Variants in USP34 observed in about 807,000 individuals in gnomAD.
USP34 encodes the protein ubiquitin carboxyl-terminal hydrolase 34.
Under a neutral mutation model 460.3 loss-of-function variants are expected in USP34, and 70 were observed. The observed-to-expected ratio is 0.15, with a 90% confidence interval of 0.13 to 0.19. The LOEUF (loss-of-function observed/expected upper bound fraction) is 0.19, where lower values mean the gene tolerates loss of function less well. Ranked by LOEUF, USP34 falls within the 10% of genes least tolerant of loss-of-function variation. The pLI is 1.00. For synonymous variants in USP34, 1,647 were observed against 1,405.3 expected (o/e 1.17, Z -3.85); for missense variants, 3,985 against 4,236.2 (o/e 0.94, Z 1.65).
chr2:61,228,876 G>C lies in USP34; in HGVS notation c.7319C>G (p.Thr2440Arg). Residue 2440 changes from threonine to arginine, a missense_variant, in exon 60 of 80, where the codon ACA becomes AGA. Physicochemically the swap from Thr to Arg is moderately conservative, Grantham distance 71 (BLOSUM62 -1). Around this residue, in one of 14 missense-constraint regions of USP34, gnomAD observed 604 missense variants for 684.8 expected, o/e 0.88. Coordinates refer to ENST00000398571, the MANE Select transcript of USP34 (RefSeq NM_014709.4). ...TTCGTAAAGGAAGGCAAAATACTCT[G>C]TAAGATGTTTACTGTGAGGTTTTAC... is the stretch of plus-strand genomic sequence containing the variant. ...HGVKPHSKHL[T>R]EYFAFLYEFA... 1 of 1,608,446 alleles carries C rather than the reference G, an allele frequency of 6.2e-7. No homozygotes were observed. The highest frequency in any genetic ancestry group is 8.5e-7 in the Non-Finnish European group (1 of 1,177,302).
Position 61,394,843 on chromosome 2 carries a change from C to G in USP34, c.753+10G>C, listed in dbSNP as rs753027535. On this transcript the variant is annotated intron_variant, in intron 5 of 79. Coordinates refer to ENST00000398571, the MANE Select transcript of USP34 (RefSeq NM_014709.4). ...TCCCAAAATTAAGATCAATTCAAAA[C>G]AATACTTACATTAGACACAACTGTA... 8.5e-6 allele frequency: 13 copies of G among 1,529,850 alleles called. No homozygotes were observed. Among genetic ancestry groups the G allele is most frequent in the Admixed American group, 2.2e-5 (1 of 45,450 alleles). The allele number at this position is 1,529,850 out of a possible 1,614,324, so 94.8% of individuals were successfully genotyped here.
rs569075579 is a variant in USP34, at chr2:61,251,010, C to T, written c.6222-2327G>A. 1.8e-4 allele frequency among the ~76,000 whole-genome samples: 27 copies of T among 152,066 alleles called. No individual in the cohort carries two copies. The South Asian group carries it at 4.8e-3, about 27-fold the overall frequency. On this transcript the variant is annotated intron_variant, in intron 48 of 79. Coordinates refer to ENST00000398571, the MANE Select transcript of USP34 (RefSeq NM_014709.4). ...AAAATTAGCCGGGCGTGGTGGCGGG[C>T]GCCTGTAGTCCCAGCTACTCAGGAG...
rs892842217 is a variant in USP34, at chr2:61,224,133, T to G, written c.7596-837A>C. ...ACATTTCCTGAAGTTTCTAAAAAGA[T>G]TTTTAAAATTAACTTGTTTGAATCA... On this transcript the variant is annotated intron_variant, in intron 62 of 79. Transcript: ENST00000398571. Among the ~76,000 whole-genome samples the G allele has an allele frequency of 2.0e-5, 3 of 152,232 alleles. No individual in the cohort carries two copies. In the East Asian group the frequency reaches 5.8e-4, roughly 29 times the overall value.
chr2:61,453,479 G>A (rs919000696), intron 1 of USP34, among the ~76,000 whole-genome samples: 1 of 151,956 alleles, frequency 6.6e-6, no homozygotes, highest in Middle Eastern at 3.2e-3. Flanking sequence ...GGAGGCCCAG[G>A]AGGGTGAATC....
rs748013290 is a variant in USP34 at position 61,406,067 on chromosome 2, C to T, written c.193G>A (p.Ala65Thr). 1 of 1,613,608 alleles carries T rather than the reference C, an allele frequency of 6.2e-7. No individual in the cohort carries two copies. Among genetic ancestry groups the T allele is most frequent in the East Asian group, 2.2e-5 (1 of 44,822 alleles). Residue 65 changes from alanine (A) to threonine (T), a missense_variant, in exon 3 of 80, where the codon GCA becomes ACA. Transcript: ENST00000398571. Reference protein sequence around the residue: ...HLEIFNQVVCALINLVIAQVQ... With the variant: ...HLEIFNQVVCTLINLVIAQVQ... Reference sequence around the variant, plus strand: ...TGGGCAATCACTAAGTTAATAAGTGCACACACTACTTGATTAAAAATCTCC... The same window carrying T: ...TGGGCAATCACTAAGTTAATAAGTGTACACACTACTTGATTAAAAATCTCC...
intron 18 of USP34, among the ~76,000 whole-genome samples, chr2:61,336,702 T>G (rs934120475): frequency 2.0e-5 from 3 of 146,770 alleles, no homozygotes; most frequent in African/African-American, 7.6e-5. Context: ...CCCAGCTACT[T>G]GGGAGGTTGA....
chr2:61,378,615 C>A (rs1017279373), intron 7 of USP34, among the ~76,000 whole-genome samples, 191 bp from the exon 8 acceptor site: 3 of 151,946 alleles, frequency 2.0e-5, no homozygotes, highest in African/African-American at 7.3e-5. Flanking sequence ...TATTAAAATA[C>A]TAAATAATGG....
intron 41 of USP34, among the ~76,000 whole-genome samples, chr2:61,271,121 A>G (rs1689200464): frequency 6.6e-6 from 1 of 152,060 alleles, no homozygotes; most frequent in Non-Finnish European, 1.5e-5. Context: ...CCGCCTCTAC[A>G]AAAACAAAAC....
chr2:61,265,297 A>G, intron 43 of USP34, 100 bp downstream of exon 43: 1 of 1,340,740 alleles, frequency 7.5e-7, no homozygotes, highest in South Asian at 1.4e-5. Flanking sequence ...TTATTCACAA[A>G]TTATTTTTTC....
chr2:61,344,091 C>A, intron 15 of USP34, 62 bp from the exon 16 acceptor site: 1 of 1,459,388 alleles, frequency 6.9e-7, no homozygotes, highest in South Asian at 1.2e-5. Context: ...TTGTGAACCA[C>A]AAAAAATACC....
In USP34 at chr2:61,344,031, TACAAA is replaced by T; in HGVS notation, c.2286-7_2286-3del. 8 of 1,611,792 alleles carry T rather than the reference TACAAA, an allele frequency of 5.0e-6. No individual in the cohort carries two copies. The highest frequency in any genetic ancestry group is 6.8e-6 in the Non-Finnish European group (8 of 1,178,520). On this transcript the variant is annotated splice_region_variant and splice_polypyrimidine_tract_variant and intron_variant, in intron 15 of 79. Transcript: ENST00000398571. ...CTTAGCATATCATCAACCATATGCC[TACAAA>T]ACAGAGAAAAGCACAAAGTTAGTAA...
chr2:61,435,080 G>C (rs879718537), intron 1 of USP34, among the ~76,000 whole-genome samples: 1 of 151,942 alleles, frequency 6.6e-6, no homozygotes, highest in African/African-American at 2.4e-5. Flanking sequence ...AAGGCAGGTG[G>C]ATTGCTTAAG....
intron 28 of USP34, 81 bp downstream of exon 28, chr2:61,301,273 G>T: frequency 6.5e-7 from 1 of 1,527,544 alleles, no homozygotes; most frequent in Non-Finnish European, 8.9e-7. Flanking sequence ...AATAAGAGCT[G>T]TTTTTAAACT....
At chr2:61,271,052 G>A (rs1002065016) in intron 41 of USP34, among the ~76,000 whole-genome samples, 9 of 152,122 alleles carry the variant, frequency 5.9e-5, no homozygotes, top group Admixed American at 1.3e-4. Context: ...GGGAGGCTAA[G>A]GTGGGCGGAT....
intron 1 of USP34, among the ~76,000 whole-genome samples, chr2:61,463,583 C>G (rs539463312): frequency 1.0e-3 from 153 of 152,228 alleles, no homozygotes; most frequent in Non-Finnish European, 1.7e-3. Flanking sequence ...CCCCTAAACC[C>G]AACACTTTGG....
chr2:61,447,254 C>CAAAAA (rs763711140), intron 1 of USP34, among the ~76,000 whole-genome samples: 9 of 59,670 alleles, frequency 1.5e-4, no homozygotes, highest in South Asian at 9.8e-4. Context: ...AACTGTCTTC[C>CAAAAA]AAAAAAAAAA....
intron 1 of USP34, among the ~76,000 whole-genome samples, chr2:61,452,439 C>G (rs1223011673): frequency 1.3e-5 from 2 of 150,756 alleles, no homozygotes; most frequent in Non-Finnish European, 2.9e-5. Flanking sequence ...ATTCTCGTGC[C>G]TCAGCCTCCC....
chr2:61,242,945 G>A (rs1468453310), intron 51 of USP34, among the ~76,000 whole-genome samples: 2 of 151,778 alleles, frequency 1.3e-5, no homozygotes, highest in East Asian at 1.9e-4. Flanking sequence ...CTGGTTCAAG[G>A]GGTTCTCCTG....
chr2:61,374,741 G>T (rs552172601), intron 8 of USP34, among the ~76,000 whole-genome samples: 18 of 152,004 alleles, frequency 1.2e-4, no homozygotes, highest in African/African-American at 4.3e-4. Context: ...GCTAATTTTT[G>T]TATTTTTAGT....
Sources: allele counts gnomAD v4.1 joint callset (sites outside exome capture counted in the v4.1 genomes callset), GRCh38; gene constraint gnomAD v4.1.1; regional missense constraint gnomAD v4.1.1; transcripts MANE v1.5; gene names NCBI Gene and HGNC (gene_info 2026-07-23, HGNC 2026-07-21).